FBXO47: variants seen among roughly 807,000 people sequenced by gnomAD.
The protein encoded by FBXO47 is F-box only protein 47.
A neutral mutation model predicts 53.9 loss-of-function variants in FBXO47; 34 were observed. The ratio of observed to expected loss-of-function variants is 0.63; its 90% CI spans 0.48 to 0.84. FBXO47 has a LOEUF of 0.84. Among genes scored for constraint, FBXO47 ranks in the 40% least tolerant of loss-of-function variants. FBXO47 has a pLI of 0.00. For synonymous variants in FBXO47, 165 were observed against 181.6 expected, an observed-to-expected ratio of 0.91 and a Z score of 0.73; for missense variants, 485 against 541.3, an observed-to-expected ratio of 0.90 and a Z score of 1.03.
chr17:38,963,366 G>A (rs1159661491), intron 1 of FBXO47, among the ~76,000 whole-genome samples: 5 of 151,980 alleles, frequency 3.3e-5, no homozygotes, highest in African/African-American at 9.7e-5. Context: ...TAGTAGAGAC[G>A]GGGTTTTGCC....
At chr17:38,939,658 T>TC (rs1346392600) in intron 9 of FBXO47, among the ~76,000 whole-genome samples, 2 of 94,926 alleles carry the variant, frequency 2.1e-5, no homozygotes, top group African/African-American at 6.8e-5. Flanking sequence ...GTTTCTTTTT[T>TC]TTTTTTTTTT....
At chr17:38,961,849 T>A (rs1243559077) in intron 3 of FBXO47, 28 bp downstream of exon 3, 1 of 1,589,302 alleles carries the variant, frequency 6.3e-7, no homozygotes, top group Non-Finnish European at 8.6e-7. Context: ...AGTTCTTTAC[T>A]TGTTGCAATT....
At chr17:38,946,049 A>ATT (rs1904761797) in intron 6 of FBXO47, among the ~76,000 whole-genome samples, 13 of 118,912 alleles carry the variant, frequency 1.1e-4, no homozygotes, top group East Asian at 9.6e-4. Context: ...ATATATATAA[A>ATT]ATATATAAAT....
intron 6 of FBXO47, among the ~76,000 whole-genome samples, chr17:38,946,869 TAA>T (rs1158008550): frequency 9.6e-5 from 11 of 114,590 alleles, no homozygotes; most frequent in Admixed American, 3.5e-4. Context: ...TATAAATATA[TAA>T]ACATATATAT....
chr17:38,943,677 A>G lies in FBXO47; in HGVS notation c.853T>C (p.Leu285=). The G allele has an allele frequency of 1.2e-6, 2 of 1,611,472 alleles. No individual in the cohort carries two copies. Among genetic ancestry groups the G allele is most frequent in the Non-Finnish European group, 1.7e-6 (2 of 1,179,056 alleles). The change falls in exon 8 of 11, where the codon TTG becomes CTG. Residue 285 remains leucine (L), a synonymous_variant. Transcript: ENST00000378079. ...EPTDEFSLKG[L]ADAIKLLYDA... is the part of the protein sequence containing the mutation. Reference sequence around the variant, plus strand: ...TATAGTAACTTAATGGCATCAGCCAAACCTTTCAGACTGAATTCATCTGTA... The same window carrying G: ...TATAGTAACTTAATGGCATCAGCCAGACCTTTCAGACTGAATTCATCTGTA...
chr17:38,961,531 T>C lies in FBXO47; in HGVS notation c.352+346A>G, dbSNP rs1598149465. On this transcript the variant is annotated intron_variant, in intron 3 of 10. Coordinates refer to ENST00000378079, the MANE Select transcript of FBXO47 (RefSeq NM_001008777.3). ...TCTATTTTAAAGGACTAGATTATGG[T>C]TGAAAGGGAAAAGAGATAAAGAGAT... Among the ~76,000 whole-genome samples, 3 of 152,152 alleles carry C rather than the reference T, an allele frequency of 2.0e-5. No homozygotes were observed. The South Asian group carries it at 6.2e-4, about 31-fold the overall frequency.
At chr17:38,945,224 A>G (rs1048112432) in intron 6 of FBXO47, 88 bp from the exon 7 acceptor site, 1 of 905,024 alleles carries the variant, frequency 1.1e-6, no homozygotes, top group African/African-American at 1.7e-5. Context: ...ATTAATCATT[A>G]TGGTTAGTGA....
rs1226925339 is a variant in FBXO47, at chr17:38,955,031, A to C, written c.430-98T>G. 1.1e-5 allele frequency: 10 copies of C among 915,446 alleles called. No individual in the cohort carries two copies. The Admixed American group carries it at 1.3e-4, about 12-fold the overall frequency. 56.7% of individuals were successfully genotyped at this position (915,446 alleles called of 1,614,324 possible). A position where few individuals can be genotyped will look rare whatever the true frequency, so the allele number is the denominator to read the frequency against. ...ACATTCAAATTTAATGGAAATAAGC[A>C]AGAATTTTTTCAGCACCTATTCTGA... On this transcript the variant is annotated intron_variant, in intron 4 of 10. Transcript: ENST00000378079.
intron 1 of FBXO47, among the ~76,000 whole-genome samples, chr17:38,964,472 T>C (rs1905988537): frequency 6.6e-6 from 1 of 151,968 alleles, no homozygotes; most frequent in African/African-American, 2.4e-5. Context: ...AGTGTGCACC[T>C]GTAATCCCAG....
chr17:38,946,177 TATATATAAATATATAAAA>T lies in FBXO47; in HGVS notation c.617-1059_617-1042del, dbSNP rs574391397. 2.7e-3 allele frequency among the ~76,000 whole-genome samples: 307 copies of T among 114,200 alleles called. 16 individuals are homozygous for T. The East Asian group carries it at 0.06, about 22-fold the overall frequency. The allele number at this position is 114,200 out of a possible 152,430, so 74.9% of individuals were successfully genotyped here. A position where few individuals can be genotyped will look rare whatever the true frequency, so the allele number is the denominator to read the frequency against. On this transcript the variant is annotated intron_variant, in intron 6 of 10. Transcript: ENST00000378079. ...ATAAAAATATATAAATATATAAAAA[TATATATAAATATATAAAA>T]ATATATATAAATATATACAAAAATA... is the stretch of plus-strand genomic sequence containing the variant.
intron 1 of FBXO47, among the ~76,000 whole-genome samples, chr17:38,964,881 G>A (rs1319928309): frequency 1.3e-5 from 2 of 151,858 alleles, no homozygotes; most frequent in Admixed American, 6.6e-5. Context: ...GGCATGACGC[G>A]ATCTCAGCTC....
At chr17:38,963,613 T>C (rs181767590) in intron 1 of FBXO47, among the ~76,000 whole-genome samples, 247 of 152,322 alleles carry the variant, frequency 1.6e-3, no homozygotes, top group African/African-American at 5.8e-3. Flanking sequence ...ATTTTAAAGC[T>C]ACATTAATAT....
chr17:38,943,480 G>T, intron 8 of FBXO47, 110 bp downstream of exon 8: 1 of 634,536 alleles, frequency 1.6e-6, no homozygotes, highest in Non-Finnish European at 2.5e-6. Flanking sequence ...AGCATTCAGT[G>T]ATTTCCAACA....
At chr17:38,939,594 G>C (rs548550120) in intron 9 of FBXO47, among the ~76,000 whole-genome samples, 10 of 142,478 alleles carry the variant, frequency 7.0e-5, no homozygotes, top group Non-Finnish European at 1.5e-4. Context: ...TTATTGAAAA[G>C]ATAAATATTT....
intron 8 of FBXO47, 95 bp downstream of exon 8, chr17:38,943,495 C>T (rs1904601204): frequency 1.4e-6 from 1 of 735,250 alleles, no homozygotes; most frequent in East Asian, 3.2e-5. Flanking sequence ...CCAACAGGCA[C>T]ATCATTTGTT....
chr17:38,948,548 T>C (rs1460686637), intron 6 of FBXO47, among the ~76,000 whole-genome samples: 2 of 152,010 alleles, frequency 1.3e-5, no homozygotes, highest in East Asian at 3.9e-4. Context: ...TGAAATCATA[T>C]AGTATGTGGC....
intron 2 of FBXO47, among the ~76,000 whole-genome samples, chr17:38,962,634 A>G (rs547214857): frequency 1.3e-5 from 2 of 148,204 alleles, no homozygotes; most frequent in South Asian, 2.1e-4. Context: ...AATAATAATA[A>G]TAATAGTAAT....
At chr17:38,950,238 G>A (rs1001648177) in intron 6 of FBXO47, among the ~76,000 whole-genome samples, 6 of 151,506 alleles carry the variant, frequency 4.0e-5, no homozygotes, top group Admixed American at 1.3e-4. Flanking sequence ...GAATTTGCCC[G>A]TTCTAGGTAT....
At chr17:38,965,156 CTAAA>C (rs981815566) in intron 1 of FBXO47, among the ~76,000 whole-genome samples, 3 of 152,196 alleles carry the variant, frequency 2.0e-5, no homozygotes, top group African/African-American at 7.2e-5. Flanking sequence ...GCCCATTACA[CTAAA>C]TAATTATTTA....
Sources: gnomAD v4.1 joint callset for allele counts (sites outside exome capture counted in the v4.1 genomes callset) on GRCh38, gnomAD v4.1.1 for gene constraint, MANE v1.5 for transcripts, NCBI Gene and HGNC (gene_info 2026-07-23, HGNC 2026-07-21) for gene names.